Variants in RUFY2 observed in about 807,000 individuals in gnomAD.
RUFY2 encodes RUN and FYVE domain-containing protein 2.
RUFY2 carries 49 observed loss-of-function variants against 94.4 expected under a neutral mutation model. The observed-to-expected ratio is 0.52, with a 90% CI of 0.41 to 0.66. The LOEUF is 0.66. RUFY2 is among the 30% of genes least tolerant of loss of function. The probability of loss-of-function intolerance (pLI) is 0.00; values close to 1 mark genes in which losing one functional copy is unlikely to be tolerated. For missense variants in RUFY2, 541 were observed against 692.8 expected (o/e 0.78, Z 2.46); for synonymous variants, 255 against 235.7 (o/e 1.08, Z -0.75).
chr10:68,386,445 G>A (rs1355851676), intron 7 of RUFY2, among the ~76,000 whole-genome samples: 1 of 152,150 alleles, frequency 6.6e-6, no homozygotes, highest in African/African-American at 2.4e-5. Flanking sequence ...CGCCTCCTGG[G>A]TTCAAACTAT....
At position 68,397,705 on chromosome 10, in the gene RUFY2, T is replaced by C. The variant is rs532303391; in HGVS notation, c.297-824A>G. 5.9e-5 allele frequency among the ~76,000 whole-genome samples: 9 copies of C among 151,380 alleles called. No individual in the cohort carries two copies. The South Asian group carries it at 1.9e-3, about 32-fold the overall frequency. ...GAGACAGGAGGTTGCTTAAGCCCAG[T>C]AGGCAGAGGCTGCAGTGAACAGTGA... is the stretch of plus-strand genomic sequence containing the variant. On this transcript the variant is annotated intron_variant, in intron 3 of 17. Coordinates refer to ENST00000602465, the MANE Select transcript of RUFY2 (RefSeq NM_001330103.2).
In RUFY2 at chr10:68,364,081, T is replaced by G. The variant is rs780243383; in HGVS notation, c.1358A>C (p.Lys453Thr). The G allele has an allele frequency of 1.2e-6, 2 of 1,613,310 alleles. No homozygotes were observed. The highest frequency in any genetic ancestry group is 1.7e-6 in the Non-Finnish European group (2 of 1,179,558). Residue 453 changes from lysine (K) to threonine (T), a missense_variant, in exon 14 of 18, where the codon AAG (lysine) becomes ACG (threonine). This residue lies in a region of RUFY2 where 403 missense variants were observed against 480.7 expected (regional missense o/e 0.84). Transcript: ENST00000602465. ...TTCCTGCAAAGTCTGCCTCCATTCC[T>G]TCTCAATCTTCAAGTCAGTTTCCAG... ...VQLETDLKIE[K>T]EWRQTLQEDL...
downstream of RUFY2, chr10:68,341,269 A>G (rs2045915842): frequency 6.2e-7 from 1 of 1,605,660 alleles, no homozygotes; most frequent in Admixed American, 1.8e-5. Context: ...TGACACATGA[A>G]GATGCAGTAG....
intron 13 of RUFY2, among the ~76,000 whole-genome samples, chr10:68,370,830 G>C (rs962976180): frequency 7.3e-5 from 11 of 151,722 alleles, no homozygotes; most frequent in Non-Finnish European, 7.4e-5. Flanking sequence ...GAACCTGTGG[G>C]ACTACTAAAA....
chr10:68,372,570 A>G (rs2048350213), intron 13 of RUFY2, among the ~76,000 whole-genome samples: 1 of 131,222 alleles, frequency 7.6e-6, no homozygotes, highest in South Asian at 2.5e-4. Context: ...ACAGAGTGAG[A>G]CCCCTCTCTC....
rs2048864393 is a variant in RUFY2 at position 68,379,250 on chromosome 10, G to C, written c.1205+174C>G. On this transcript the variant is annotated intron_variant, in intron 12 of 17. Transcript: ENST00000602465. Reference sequence around the variant, plus strand: ...TTCAAATGAATCAGCGTAATATAAAGCAACTTGATTCCATGCAACAACCAA... The same window carrying C: ...TTCAAATGAATCAGCGTAATATAAACCAACTTGATTCCATGCAACAACCAA... 3.4e-5 allele frequency: 18 copies of C among 527,028 alleles called. No individual in the cohort carries two copies. The East Asian group carries it at 5.4e-4, about 16-fold the overall frequency. The allele number at this position is 527,028 out of a possible 1,614,324, so 32.6% of individuals were successfully genotyped here. A position where few individuals can be genotyped will look rare whatever the true frequency, so the allele number is the denominator to read the frequency against.
At chr10:68,363,780 T>C in intron 14 of RUFY2, 96 bp from the exon 15 acceptor site, 1 of 912,068 alleles carries the variant, frequency 1.1e-6, no homozygotes, top group South Asian at 1.8e-5. Context: ...AAACATCCTT[T>C]AGCTTTTTAA....
chr10:68,352,445 G>C (rs2046746573), intron 16 of RUFY2, among the ~76,000 whole-genome samples: 1 of 152,146 alleles, frequency 6.6e-6, no homozygotes, highest in Non-Finnish European at 1.5e-5. Flanking sequence ...GAAACATCAG[G>C]ACCAGAACAA....
intron 15 of RUFY2, among the ~76,000 whole-genome samples, chr10:68,357,554 T>C (rs1033213861): frequency 6.6e-6 from 1 of 152,070 alleles, no homozygotes; most frequent in African/African-American, 2.4e-5. Context: ...ATTTAAATTT[T>C]TTTTTCTTTA....
rs1564763478 is a variant in RUFY2, at chr10:68,343,853, T to TA, written c.*1914dup. On this transcript the variant is annotated 3_prime_UTR_variant, in exon 18 of 18. Coordinates refer to ENST00000602465, the MANE Select transcript of RUFY2 (RefSeq NM_001330103.2). Reference sequence around the variant, plus strand: ...AAAAAAGCAAGTCAGTCAGTGTTGATACATGAGTTTTGAAAAGTGAGAAAC... The same window carrying TA: ...AAAAAAGCAAGTCAGTCAGTGTTGATAACATGAGTTTTGAAAAGTGAGAAAC... 7.0e-6 allele frequency: 1 copy of TA among 142,586 alleles called. No individual in the cohort carries two copies. The highest frequency in any genetic ancestry group is 1.5e-5 in the Non-Finnish European group (1 of 65,844). The allele number at this position is 142,586 out of a possible 1,614,324, so 8.8% of individuals were successfully genotyped here.
chr10:68,387,020 G>C (rs1257834593), intron 7 of RUFY2, among the ~76,000 whole-genome samples: 1 of 151,982 alleles, frequency 6.6e-6, no homozygotes, highest in African/African-American at 2.4e-5. Context: ...CACACTTTTT[G>C]CATTTTTGTT....
chr10:68,351,443 ATCTTTT>A (rs2046666796), intron 16 of RUFY2, among the ~76,000 whole-genome samples: 1 of 95,998 alleles, frequency 1.0e-5, no homozygotes, highest in African/African-American at 4.1e-5. Flanking sequence ...ACCTCCACCC[ATCTTTT>A]TTTTTTTTTT....
At chr10:68,400,586 A>G (rs1242879749) in intron 3 of RUFY2, among the ~76,000 whole-genome samples, 39 of 147,956 alleles carry the variant, frequency 2.6e-4, no homozygotes, top group African/African-American at 9.0e-4. Flanking sequence ...TGAGGCAGGA[A>G]AGTTGCTTGA....
At chr10:68,401,594 G>A in intron 3 of RUFY2, 26 bp downstream of exon 3, 1 of 1,379,470 alleles carries the variant, frequency 7.2e-7, no homozygotes, top group Non-Finnish European at 1.0e-6. Context: ...TGTGGCTAGG[G>A]ATGAACAAGT....
At chr10:68,383,487 C>T (rs1296924498) in intron 10 of RUFY2, among the ~76,000 whole-genome samples, 1 of 151,534 alleles carries the variant, frequency 6.6e-6, no homozygotes, top group Non-Finnish European at 1.5e-5. Context: ...GGTGTGGTGG[C>T]ACATGCCTTG....
At chr10:68,376,747 C>G in intron 13 of RUFY2, 106 bp downstream of exon 13, 1 of 1,110,332 alleles carries the variant, frequency 9.0e-7, no homozygotes, top group Non-Finnish European at 1.3e-6. Context: ...TAAAAGCTAA[C>G]TGGCATCATT....
intron 15 of RUFY2, among the ~76,000 whole-genome samples, chr10:68,363,327 C>A (rs2047583655): frequency 6.6e-6 from 1 of 152,152 alleles, no homozygotes; most frequent in Admixed American, 6.6e-5. Context: ...CAGGCACACG[C>A]CACCACAAGC....
intron 13 of RUFY2, among the ~76,000 whole-genome samples, chr10:68,365,997 C>T (rs1230243958): frequency 2.0e-5 from 3 of 152,016 alleles, no homozygotes; most frequent in African/African-American, 7.2e-5. Flanking sequence ...TGTAAGAATA[C>T]ATGTTGAATA....
chr10:68,391,226 G>A (rs182963741), intron 7 of RUFY2, among the ~76,000 whole-genome samples: 2 of 152,166 alleles, frequency 1.3e-5, no homozygotes, highest in Admixed American at 6.6e-5. Flanking sequence ...GTGAGACATC[G>A]TGCCTGTACC....
Sources: allele counts gnomAD v4.1 joint callset (sites outside exome capture counted in the v4.1 genomes callset), GRCh38; gene constraint gnomAD v4.1.1; regional missense constraint gnomAD v4.1.1; transcripts MANE v1.5; gene names NCBI Gene and HGNC (gene_info 2026-07-23, HGNC 2026-07-21).